THSD4: variants seen among roughly 807,000 people sequenced by gnomAD.
The protein encoded by THSD4 is thrombospondin type 1 domain containing 4.
Under a neutral mutation model 119.0 loss-of-function variants are expected in THSD4, and 69 were observed. The observed-to-expected ratio is 0.58, with a 90% CI of 0.48 to 0.71. The LOEUF is 0.71. Among genes scored for constraint, THSD4 ranks in the 30% least tolerant of loss-of-function variants. THSD4 has a pLI of 0.00. For synonymous variants in THSD4, 524 were observed against 540.4 expected, an observed-to-expected ratio of 0.97 and a Z score of 0.42; for missense variants, 1,393 against 1,391.1, an observed-to-expected ratio of 1.00 and a Z score of -0.02.
chr15:71,405,813 A>G (rs1360291203), intron 6 of THSD4, among the ~76,000 whole-genome samples: 1 of 152,166 alleles, frequency 6.6e-6, no homozygotes, highest in Non-Finnish European at 1.5e-5. Context: ...ATCTTCCTTA[A>G]TTTATTTCAA....
intron 6 of THSD4, among the ~76,000 whole-genome samples, chr15:71,383,663 A>G (rs1433018354): frequency 4.6e-5 from 7 of 152,178 alleles, no homozygotes; most frequent in Admixed American, 4.6e-4. Flanking sequence ...AAATGCCAGA[A>G]AAGTGTATAG....
intron 7 of THSD4, among the ~76,000 whole-genome samples, chr15:71,474,907 C>T (rs2047635371): frequency 6.6e-6 from 1 of 152,218 alleles, no homozygotes; most frequent in South Asian, 2.1e-4. Flanking sequence ...TGGCTTACTT[C>T]ACTATGCAGA....
At chr15:71,436,040 G>A (rs1223715239) in intron 7 of THSD4, among the ~76,000 whole-genome samples, 2 of 152,152 alleles carry the variant, frequency 1.3e-5, no homozygotes, top group Non-Finnish European at 2.9e-5. Flanking sequence ...AAGGGAGAAT[G>A]CTCCCTCTTG....
chr15:71,143,084 C>T (rs956845274), intron 2 of THSD4, among the ~76,000 whole-genome samples: 4 of 152,084 alleles, frequency 2.6e-5, no homozygotes, highest in Non-Finnish European at 4.4e-5. Flanking sequence ...TCCAAATACC[C>T]GCAGAGAACT....
At chr15:71,235,285 A>T (rs1361637009) in intron 4 of THSD4, among the ~76,000 whole-genome samples, 1 of 152,200 alleles carries the variant, frequency 6.6e-6, no homozygotes, top group Non-Finnish European at 1.5e-5. Flanking sequence ...GCCCCAAAAC[A>T]TTGGCTTGGG....
At chr15:71,622,294 G>T (rs930185796) in intron 7 of THSD4, among the ~76,000 whole-genome samples, 5 of 152,022 alleles carry the variant, frequency 3.3e-5, no homozygotes, top group Non-Finnish European at 7.4e-5. Flanking sequence ...GTCCTATTTT[G>T]GGTAATAGCA....
intron 8 of THSD4, among the ~76,000 whole-genome samples, chr15:71,687,580 C>A (rs1172959665): frequency 1.3e-5 from 2 of 152,002 alleles, no homozygotes; most frequent in Non-Finnish European, 2.9e-5. Flanking sequence ...CATGGTGAAA[C>A]CCTGTCTCTA....
At chr15:71,365,254 A>G (rs764981576) in intron 6 of THSD4, among the ~76,000 whole-genome samples, 1 of 151,880 alleles carries the variant, frequency 6.6e-6, no homozygotes, top group Admixed American at 6.6e-5. Flanking sequence ...ACTTTGCATG[A>G]GGATTTCCAG....
intron 16 of THSD4, among the ~76,000 whole-genome samples, chr15:71,765,790 C>CTG (rs59012463): frequency 0.054 from 7,920 of 146,240 alleles, 237 homozygotes; most frequent in East Asian, 0.089. Flanking sequence ...CACACACTCT[C>CTG]TGTGTGTGTG....
chr15:71,395,682 C>G (rs1342517262), intron 6 of THSD4, among the ~76,000 whole-genome samples: 2 of 151,934 alleles, frequency 1.3e-5, no homozygotes, highest in Non-Finnish European at 2.9e-5. Flanking sequence ...CAGAGGCTGC[C>G]AGTGAACTGA....
At chr15:71,468,040 G>A (rs1375392690) in intron 7 of THSD4, among the ~76,000 whole-genome samples, 2 of 152,040 alleles carry the variant, frequency 1.3e-5, no homozygotes, top group East Asian at 3.9e-4. Flanking sequence ...GTGGAAACGA[G>A]GTTTCATCAT....
rs376966162 is a variant in THSD4, at chr15:71,551,351, C to CA, written c.1153-109178dup. On this transcript the variant is annotated intron_variant, in intron 7 of 17. Transcript: ENST00000261862. ...CTCTAAAAGGGGCACAGAATACAAA[C>CA]AGTGAATGATCATGCAATAAGGGTC... Among the ~76,000 whole-genome samples, 187 of 152,256 alleles carry CA rather than the reference C, an allele frequency of 1.2e-3. 3 individuals are homozygous for CA. Among genetic ancestry groups the CA allele is most frequent in the African/African-American group, 4.3e-3 (177 of 41,556 alleles).
At chr15:71,261,289 C>G (rs2044396247) in intron 6 of THSD4, among the ~76,000 whole-genome samples, 1 of 152,012 alleles carries the variant, frequency 6.6e-6, no homozygotes, top group Non-Finnish European at 1.5e-5. Context: ...CAGCTATGAG[C>G]CTAGGAACGC....
intron 6 of THSD4, among the ~76,000 whole-genome samples, chr15:71,288,829 G>A (rs2044752800): frequency 6.6e-6 from 1 of 152,154 alleles, no homozygotes; most frequent in Non-Finnish European, 1.5e-5. Context: ...CAGTGTATGG[G>A]TTCAGGCTTC....
intron 5 of THSD4, among the ~76,000 whole-genome samples, chr15:71,253,275 G>A (rs2044279118): frequency 6.6e-6 from 1 of 152,166 alleles, no homozygotes; most frequent in African/African-American, 2.4e-5. Context: ...TAAGTTGGGT[G>A]GCAGATGTGT....
At chr15:71,249,478 A>G (rs977925488) in intron 5 of THSD4, among the ~76,000 whole-genome samples, 4 of 148,510 alleles carry the variant, frequency 2.7e-5, no homozygotes, top group Admixed American at 1.4e-4. Context: ...ATTTTTCATG[A>G]TTATAGAAAG....
chr15:71,111,026 A>G, upstream of THSD4: 4 of 1,099,092 alleles, frequency 3.6e-6, no homozygotes, highest in Non-Finnish European at 5.2e-6. Flanking sequence ...CCTAAGGAGA[A>G]GCAGCCTCGG....
At chr15:71,477,314 G>A (rs964902754) in intron 7 of THSD4, among the ~76,000 whole-genome samples, 12 of 152,128 alleles carry the variant, frequency 7.9e-5, no homozygotes, top group African/African-American at 2.4e-4. Context: ...GTAAAGCTCC[G>A]AGCATATGTG....
intron 7 of THSD4, among the ~76,000 whole-genome samples, chr15:71,454,495 G>T (rs1157406307): frequency 6.6e-6 from 1 of 152,176 alleles, no homozygotes; most frequent in Non-Finnish European, 1.5e-5. Context: ...GGGGCTCCAG[G>T]GCCAAGGAGC....
Sources: allele counts gnomAD v4.1 joint callset (sites outside exome capture counted in the v4.1 genomes callset), GRCh38; gene constraint gnomAD v4.1.1; transcripts MANE v1.5; gene names NCBI Gene and HGNC (gene_info 2026-07-23, HGNC 2026-07-21).